The following MEGF6 variants were observed in gnomAD, a reference collection of about 807,000 sequenced individuals.
MEGF6 encodes the protein multiple EGF like domains 6, also known as multiple epidermal growth factor-like domains protein 6.
In MEGF6, 184 loss-of-function variants were observed where a neutral mutation model predicts 207.1. That is an observed-to-expected ratio of 0.89 (90% CI 0.79 to 1.00). The LOEUF (loss-of-function observed/expected upper bound fraction) is 1.00. Ranked by LOEUF, MEGF6 falls within the 50% of genes least tolerant of loss-of-function variation. MEGF6 has a pLI of 0.00. For synonymous variants in MEGF6, 1,038 were observed against 910.0 expected, an observed-to-expected ratio of 1.14 and a Z score of -2.53; for missense variants, 2,282 against 2,202.9, an observed-to-expected ratio of 1.04 and a Z score of -0.72.
chr1:3,598,997 A>G (rs1333239084), intron 2 of MEGF6, among the ~76,000 whole-genome samples: 1 of 152,188 alleles, frequency 6.6e-6, no homozygotes, highest in Non-Finnish European at 1.5e-5. Context: ...CTGTACTCAC[A>G]GCCTCACCTA....
intron 5 of MEGF6, among the ~76,000 whole-genome samples, chr1:3,519,297 G>A (rs1331478424): frequency 6.6e-6 from 1 of 152,246 alleles, no homozygotes; most frequent in Non-Finnish European, 1.5e-5. Context: ...AGTGCTAGCA[G>A]TGCCCTATTG....
chr1:3,573,392 C>T lies in MEGF6; in HGVS notation c.481+6433G>A, dbSNP rs986821884. 2.4e-4 allele frequency among the ~76,000 whole-genome samples: 37 copies of T among 152,238 alleles called. No individual in the cohort carries two copies. The highest frequency in any genetic ancestry group is 1.6e-3 in the Admixed American group (25 of 15,290). ...AGCTCCAGGCCCAGATGGAAACCTT[C>T]TGCTTGGCTGCACCCAAAGGTAAGC... On this transcript the variant is annotated intron_variant, in intron 4 of 36. Transcript: ENST00000356575. This position sits in a 1 kb window ranked among gnomAD's most constrained non-coding sequence, Gnocchi z 5.1.
chr1:3,507,945 C>A, intron 13 of MEGF6, 22 bp from the exon 14 acceptor site: 1 of 1,603,298 alleles, frequency 6.2e-7, no homozygotes, highest in African/African-American at 1.3e-5. Context: ...GACAGGGAAG[C>A]GTCAGGGTCA....
At chr1:3,523,192 C>T (rs1281535836) in intron 5 of MEGF6, among the ~76,000 whole-genome samples, 1 of 152,090 alleles carries the variant, frequency 6.6e-6, no homozygotes, top group Non-Finnish European at 1.5e-5. Context: ...GAAGAAGGGG[C>T]GTCCTGACGC....
At chr1:3,585,750 C>T (rs1241609395) in intron 3 of MEGF6, among the ~76,000 whole-genome samples, 2 of 121,528 alleles carry the variant, frequency 1.6e-5, no homozygotes, top group African/African-American at 3.3e-5. Context: ...GTGTGAGTGA[C>T]ACATGTCCTG....
Position 3,490,418 on chromosome 1 carries a change from G to A in MEGF6, c.*110C>T, listed in dbSNP as rs541482469. 3.3e-6 allele frequency: 4 copies of A among 1,224,688 alleles called. No individual in the cohort carries two copies. In the South Asian group the frequency reaches 5.2e-5, roughly 16 times the overall value. 75.9% of individuals were successfully genotyped at this position (1,224,688 alleles called of 1,614,324 possible). ...CAGCCCTCCACGGCCCTCAAAGGAA[G>A]GGCAGTACCAGGAGCTCTGGGCCCG... On this transcript the variant is annotated 3_prime_UTR_variant, in exon 37 of 37. Coordinates refer to ENST00000356575, the MANE Select transcript of MEGF6 (RefSeq NM_001409.4).
chr1:3,616,066 G>C (rs1644376199), upstream of MEGF6, among the ~76,000 whole-genome samples: 1 of 152,218 alleles, frequency 6.6e-6, no homozygotes, highest in Non-Finnish European at 1.5e-5. Context: ...AAATAACGTA[G>C]GGAGAAAGAA....
chr1:3,550,522 C>T (rs1642851349), intron 4 of MEGF6, among the ~76,000 whole-genome samples: 1 of 152,182 alleles, frequency 6.6e-6, no homozygotes, highest in African/African-American at 2.4e-5. Flanking sequence ...TTATTTTATG[C>T]AATGTGAATT....
intron 17 of MEGF6, among the ~76,000 whole-genome samples, chr1:3,502,550 C>A (rs1181078540): frequency 1.3e-5 from 2 of 152,106 alleles, no homozygotes; most frequent in African/African-American, 4.8e-5. Context: ...ATGGGGAGGG[C>A]AGGGGGCCTC....
intron 4 of MEGF6, among the ~76,000 whole-genome samples, chr1:3,552,537 A>C (rs1461469653): frequency 6.6e-6 from 1 of 152,238 alleles, no homozygotes; most frequent in Non-Finnish European, 1.5e-5. Context: ...CTCTACAAAA[A>C]ATAACAAATT....
At chr1:3,525,570 C>T (rs552430996) in intron 4 of MEGF6, among the ~76,000 whole-genome samples, 22 of 152,322 alleles carry the variant, frequency 1.4e-4, no homozygotes, top group Non-Finnish European at 1.8e-4. Context: ...TTTGAGAGGA[C>T]GCCTCCCATC....
chr1:3,490,711 G>GGTGGGGCCCACCCATCCTTCCCAGCCT, intron 36 of MEGF6, 122 bp from the exon 37 acceptor site: 1 of 1,184,130 alleles, frequency 8.4e-7, no homozygotes, highest in Non-Finnish European at 1.2e-6. Context: ...CCAGCAGGTG[G>GGTGGGGCCCACCCATCCTTCCCAGCCT]GTGGGGCCCA....
intron 3 of MEGF6, among the ~76,000 whole-genome samples, chr1:3,589,190 C>T (rs12138798): frequency 0.23 from 34,419 of 151,956 alleles, 4,154 homozygotes; most frequent in African/African-American, 0.3. Context: ...CGGAACGCCG[C>T]GGAAGCTGGA....
At chr1:3,530,842 G>T (rs886969251) in intron 4 of MEGF6, among the ~76,000 whole-genome samples, 3 of 152,204 alleles carry the variant, frequency 2.0e-5, no homozygotes, top group Non-Finnish European at 2.9e-5. Context: ...TCCGGTCAAG[G>T]GACCTGGCTG....
chr1:3,515,292 T>C (rs1641501931), intron 6 of MEGF6, 110 bp downstream of exon 6: 3 of 1,340,816 alleles, frequency 2.2e-6, no homozygotes, highest in Non-Finnish European at 3.0e-6. Context: ...ACCAGGCCTC[T>C]CAGCAGCCTT....
rs539143316 is a variant in MEGF6 at position 3,488,733 on chromosome 1, G to C, written c.*1795C>G. Among the ~76,000 whole-genome samples, 1 of 152,180 alleles carries C rather than the reference G, an allele frequency of 6.6e-6. No individual in the cohort carries two copies. Among genetic ancestry groups the C allele is most frequent in the African/African-American group, 2.4e-5 (1 of 41,438 alleles). ...CTCACGTATAGTCTGAGGTCAATTT[G>C]ATTCCCATTCTTTTTTCTCTGGGAC... On this transcript the variant is annotated 3_prime_UTR_variant, in exon 37 of 37. Transcript: ENST00000356575.
intron 28 of MEGF6, 85 bp from the exon 29 acceptor site, chr1:3,496,868 C>T (rs1363263931): frequency 2.0e-6 from 3 of 1,518,860 alleles, no homozygotes; most frequent in African/African-American, 1.4e-5. Context: ...TCTCATGAGA[C>T]CCCCACACCC....
chr1:3,623,711 G>C, the MEGF6 span, among the ~76,000 whole-genome samples: 64 of 152,340 alleles, frequency 4.2e-4, no homozygotes, highest in African/African-American at 1.5e-3. Context: ...CTTTCTGCCA[G>C]CGCCCATGCA....
chr1:3,557,862 C>A (rs941357816), intron 4 of MEGF6, among the ~76,000 whole-genome samples: 1 of 152,202 alleles, frequency 6.6e-6, no homozygotes, highest in African/African-American at 2.4e-5. Flanking sequence ...AGGCGCCGTC[C>A]GGGTGGGCAC....
Sources: gnomAD v4.1 joint callset for allele counts (sites outside exome capture counted in the v4.1 genomes callset) on GRCh38, gnomAD v4.1.1 for gene constraint, Gnocchi (gnomAD v3.1) non-coding constraint, MANE v1.5 for transcripts, NCBI Gene and HGNC (gene_info 2026-07-23, HGNC 2026-07-21) for gene names.